Variants in KIRREL3 observed in about 807,000 individuals in gnomAD.
KIRREL3 encodes the protein kin of IRRE-like protein 3.
A neutral mutation model predicts 89.7 loss-of-function variants in KIRREL3; 36 were observed. The ratio of observed to expected loss-of-function variants is 0.40; its 90% confidence interval spans 0.31 to 0.53. The LOEUF is 0.53. Ranked by LOEUF, KIRREL3 falls within the 20% of genes least tolerant of loss-of-function variation. KIRREL3 has a pLI of 0.49. For synonymous variants in KIRREL3, 445 were observed against 441.4 expected (o/e 1.01, Z -0.10); for missense variants, 864 against 1,056.6 (o/e 0.82, Z 2.53).
chr11:126,775,257 T>G (rs1301637964), intron 1 of KIRREL3, among the ~76,000 whole-genome samples: 1 of 152,196 alleles, frequency 6.6e-6, no homozygotes, highest in Middle Eastern at 3.2e-3. Context: ...TTGATCGATT[T>G]AAAAAATTCA....
In KIRREL3 at chr11:126,520,492, A is replaced by G. The variant is rs1416268743; in HGVS notation, c.433+823T>C. 1.3e-5 allele frequency among the ~76,000 whole-genome samples: 2 copies of G among 152,188 alleles called. No individual in the cohort carries two copies. Among genetic ancestry groups the G allele is most frequent in the East Asian group, 3.9e-4 (2 of 5,194 alleles). The stretch of plus-strand genomic sequence containing the variant: ...GGAGGTCATGTGCCTGAAAGAGCCT[A>G]GAGAGCTACGGTGAACTGCTTGGCA... On this transcript the variant is annotated intron_variant, in intron 4 of 16. Transcript: ENST00000525144. The surrounding 1 kb of genome is among the most constrained non-coding windows in gnomAD (Gnocchi z 4.9).
rs541094841 is a variant in KIRREL3, at chr11:126,965,357, C to T, written c.55+35098G>A. Among the ~76,000 whole-genome samples, 10 of 152,284 alleles carry T rather than the reference C, an allele frequency of 6.6e-5. No individual in the cohort carries two copies. In the South Asian group the frequency reaches 1.2e-3, roughly 19 times the overall value. On this transcript the variant is annotated intron_variant, in intron 1 of 16. Coordinates refer to ENST00000525144, the MANE Select transcript of KIRREL3 (RefSeq NM_032531.4). This position sits in a 1 kb window ranked among gnomAD's most constrained non-coding sequence, Gnocchi z 4.4. ...CATGATAAACTCTACCTTTGGACAT[C>T]GGTACTCAACTCTTAAGAAGTGAAG...
rs551482831 is a variant in KIRREL3 at position 126,437,345 on chromosome 11, C to A, written c.1354-336G>T. ...CCAACACGTTTATATACATACTACA[C>A]ACACCACAAATGTGTACACACAGCT... On this transcript the variant is annotated intron_variant, in intron 11 of 16. Transcript: ENST00000525144. Among the ~76,000 whole-genome samples the A allele has an allele frequency of 2.3e-4, 35 of 152,270 alleles. No individual in the cohort carries two copies. The South Asian group carries it at 7.1e-3, about 31-fold the overall frequency.
At chr11:126,958,541 C>T (rs987613970) in intron 1 of KIRREL3, among the ~76,000 whole-genome samples, 2 of 152,356 alleles carry the variant, frequency 1.3e-5, no homozygotes, top group African/African-American at 4.8e-5. Context: ...TTCACTCACT[C>T]TTTCATTCTA....
chr11:126,649,384 T>A (rs763931606), intron 1 of KIRREL3, among the ~76,000 whole-genome samples: 2 of 152,156 alleles, frequency 1.3e-5, no homozygotes, highest in African/African-American at 2.4e-5. Context: ...CAAACTCTCA[T>A]CTGAGACAAG....
chr11:126,684,616 G>A lies in KIRREL3; in HGVS notation c.56-121704C>T, dbSNP rs1380324265. Among the ~76,000 whole-genome samples, 1 of 152,180 alleles carries A rather than the reference G, an allele frequency of 6.6e-6. No homozygotes were observed. Among genetic ancestry groups the A allele is most frequent in the Non-Finnish European group, 1.5e-5 (1 of 68,034 alleles). ...ACTCACTGATGATCAAAAAAGAGAG[G>A]ACACTTAGAATTAAATTCATTTCTT... On this transcript the variant is annotated intron_variant, in intron 1 of 16. Transcript: ENST00000525144. The surrounding 1 kb of genome is among the most constrained non-coding windows in gnomAD (Gnocchi z 4.2).
Position 126,870,391 on chromosome 11 carries a change from A to C in KIRREL3, c.55+130064T>G, listed in dbSNP as rs1357462355. ...GGCTGGCTGGAGGTCCCATCCAGTC[A>C]AGTGGCTCGCCACTTAGGTCTGAAC... On this transcript the variant is annotated intron_variant, in intron 1 of 16. Coordinates refer to ENST00000525144, the MANE Select transcript of KIRREL3 (RefSeq NM_032531.4). This position sits in a 1 kb window ranked among gnomAD's most constrained non-coding sequence, Gnocchi z 4.4. Among the ~76,000 whole-genome samples the C allele has an allele frequency of 6.6e-6, 1 of 152,228 alleles. No homozygotes were observed. The highest frequency in any genetic ancestry group is 1.5e-5 in the Non-Finnish European group (1 of 68,036).
chr11:126,590,275 A>G (rs1942074799), intron 1 of KIRREL3, among the ~76,000 whole-genome samples: 1 of 152,186 alleles, frequency 6.6e-6, no homozygotes, highest in South Asian at 2.1e-4. Flanking sequence ...AGCCTAGAAG[A>G]AGAACATCAC....
chr11:126,488,320 CAG>C (rs1221865808), intron 4 of KIRREL3, among the ~76,000 whole-genome samples: 2 of 152,228 alleles, frequency 1.3e-5, no homozygotes, highest in African/African-American at 4.8e-5. Flanking sequence ...TGCTCTCAGA[CAG>C]AGCTGGGAAT....
In KIRREL3 at chr11:126,424,390, G is replaced by GGC; in HGVS notation, c.*189_*190insGC. On this transcript the variant is annotated 3_prime_UTR_variant, in exon 17 of 17. Transcript: ENST00000525144. ...CTGTCTCCCCACCCGCCCACCTCTG[G>GGC]CACACAGCACCTGGGGACCCAGATT... The GGC allele has an allele frequency of 5.7e-6, 3 of 530,416 alleles. No individual in the cohort carries two copies. The highest frequency in any genetic ancestry group is 3.5e-5 in the East Asian group (1 of 28,838). The allele number at this position is 530,416 out of a possible 1,614,324, so 32.9% of individuals were successfully genotyped here. A position where few individuals can be genotyped will look rare whatever the true frequency, so the allele number is the denominator to read the frequency against.
intron 4 of KIRREL3, among the ~76,000 whole-genome samples, chr11:126,517,121 A>AGAGAGAGAGG (rs1431247969): frequency 3.0e-5 from 4 of 133,572 alleles, no homozygotes; most frequent in African/African-American, 1.2e-4. Flanking sequence ...TTAGAGATTG[A>AGAGAGAGAGG]GAGAGAGAGA....
chr11:126,562,694 C>A lies in KIRREL3; in HGVS notation c.133+141G>T. 1 of 606,046 alleles carries A rather than the reference C, an allele frequency of 1.7e-6. No homozygotes were observed. The allele number at this position is 606,046 out of a possible 1,614,324, so 37.5% of individuals were successfully genotyped here. A position where few individuals can be genotyped will look rare whatever the true frequency, so the allele number is the denominator to read the frequency against. ...CCCCATGTGATTGTACAAATGGCTT[C>A]ATGGAAACCAAACTGGTCTTCCCAC... On this transcript the variant is annotated intron_variant, in intron 2 of 16. Coordinates refer to ENST00000525144, the MANE Select transcript of KIRREL3 (RefSeq NM_032531.4). This position sits in a 1 kb window ranked among gnomAD's most constrained non-coding sequence, Gnocchi z 4.7.
chr11:126,771,715 T>A lies in KIRREL3; in HGVS notation c.56-208803A>T, dbSNP rs933964624. 1.7e-4 allele frequency among the ~76,000 whole-genome samples: 26 copies of A among 152,206 alleles called. No homozygotes were observed. The highest frequency in any genetic ancestry group is 6.5e-5 in the Admixed American group (1 of 15,282). The stretch of plus-strand genomic sequence containing the variant: ...GCTTCTACTGGTGATAATGAATCAT[T>A]GGAAGTGACCAATACAAGATTATCT... On this transcript the variant is annotated intron_variant, in intron 1 of 16. Coordinates refer to ENST00000525144, the MANE Select transcript of KIRREL3 (RefSeq NM_032531.4). This position sits in a 1 kb window ranked among gnomAD's most constrained non-coding sequence, Gnocchi z 4.4.
At chr11:126,745,712 G>T (rs557981953) in intron 1 of KIRREL3, among the ~76,000 whole-genome samples, 2 of 152,340 alleles carry the variant, frequency 1.3e-5, no homozygotes, top group Middle Eastern at 6.8e-3. Flanking sequence ...TGCTGTAGGT[G>T]AGAGCTTAGC....
rs971584368 is a variant in KIRREL3 at position 126,924,176 on chromosome 11, G to C, written c.55+76279C>G. 6.6e-6 allele frequency among the ~76,000 whole-genome samples: 1 copy of C among 152,116 alleles called. No individual in the cohort carries two copies. The highest frequency in any genetic ancestry group is 2.4e-5 in the African/African-American group (1 of 41,412). ...AGGCAGCTCTTGATCCTGTCCCCTG[G>C]GTTCCTTCCCCCTTTCCCTGGCTCA... is the stretch of plus-strand genomic sequence containing the variant. On this transcript the variant is annotated intron_variant, in intron 1 of 16. Transcript: ENST00000525144. This position sits in a 1 kb window ranked among gnomAD's most constrained non-coding sequence, Gnocchi z 4.7.
In KIRREL3 at chr11:126,601,973, C is replaced by A. The variant is rs1160196980; in HGVS notation, c.56-39061G>T. 6.6e-6 allele frequency among the ~76,000 whole-genome samples: 1 copy of A among 152,200 alleles called. No individual in the cohort carries two copies. Among genetic ancestry groups the A allele is most frequent in the Non-Finnish European group, 1.5e-5 (1 of 68,040 alleles). ...GAGGCCGCCTCTTTGATTTGCCTGACAGAGTCACAGAAGCTGACCGCTGCG... is the reference window on the plus strand; with the variant it reads ...GAGGCCGCCTCTTTGATTTGCCTGAAAGAGTCACAGAAGCTGACCGCTGCG... On this transcript the variant is annotated intron_variant, in intron 1 of 16. Coordinates refer to ENST00000525144, the MANE Select transcript of KIRREL3 (RefSeq NM_032531.4). This position sits in a 1 kb window ranked among gnomAD's most constrained non-coding sequence, Gnocchi z 5.8.
chr11:126,611,304 C>T lies in KIRREL3; in HGVS notation c.56-48392G>A, dbSNP rs1475628458. On this transcript the variant is annotated intron_variant, in intron 1 of 16. Transcript: ENST00000525144. This position sits in a 1 kb window ranked among gnomAD's most constrained non-coding sequence, Gnocchi z 4.7. ...CACCCTCTCCCATTCCTTTCCTTCT[C>T]AATTCTATTGACATTTTTGGTGTCT... Among the ~76,000 whole-genome samples, 1 of 152,176 alleles carries T rather than the reference C, an allele frequency of 6.6e-6. No individual in the cohort carries two copies. The highest frequency in any genetic ancestry group is 1.5e-5 in the Non-Finnish European group (1 of 68,032).
chr11:126,450,364 CATGT>C (rs1363840499), intron 7 of KIRREL3, among the ~76,000 whole-genome samples: 3 of 139,082 alleles, frequency 2.2e-5, no homozygotes, highest in African/African-American at 8.3e-5. Context: ...TGCATGTGTG[CATGT>C]GTGAGTGTGC....
At chr11:126,439,086 G>T (rs894435071) in intron 11 of KIRREL3, among the ~76,000 whole-genome samples, 4 of 152,296 alleles carry the variant, frequency 2.6e-5, no homozygotes, top group African/African-American at 7.2e-5. Context: ...AGATGGATTT[G>T]AGTACAAGAC....
Sources: allele counts gnomAD v4.1 joint callset (sites outside exome capture counted in the v4.1 genomes callset), GRCh38; gene constraint gnomAD v4.1.1; non-coding constraint Gnocchi (gnomAD v3.1); transcripts MANE v1.5; gene names NCBI Gene and HGNC (gene_info 2026-07-23, HGNC 2026-07-21).